The following EYS variants were observed in gnomAD, a reference collection of about 807,000 sequenced individuals.
The protein encoded by EYS is protein eyes shut homolog.
Under a neutral mutation model 282.1 loss-of-function variants are expected in EYS, and 250 were observed. The observed-to-expected ratio is 0.89, with a 90% confidence interval of 0.80 to 0.98. The LOEUF is 0.98. Among genes scored for constraint, EYS ranks in the 50% least tolerant of loss-of-function variants. EYS has a pLI of 0.00. For missense variants in EYS, 4,016 were observed against 3,709.0 expected, an observed-to-expected ratio of 1.08 and a Z score of -2.15; for synonymous variants, 1,355 against 1,282.9, an observed-to-expected ratio of 1.06 and a Z score of -1.20.
At chr6:64,139,971 A>C (rs1562221148) in intron 31 of EYS, among the ~76,000 whole-genome samples, 1 of 49,870 alleles carries the variant, frequency 2.0e-5, no homozygotes, top group Non-Finnish European at 3.8e-5. Context: ...CTGTCTCAAT[A>C]AATAAATAAA....
intron 19 of EYS, among the ~76,000 whole-genome samples, chr6:64,827,120 A>G (rs1765084372): frequency 6.6e-6 from 1 of 151,884 alleles, no homozygotes; most frequent in Admixed American, 6.6e-5. Flanking sequence ...TCTCTAGATG[A>G]TGGTAAATCA....
intron 36 of EYS, among the ~76,000 whole-genome samples, chr6:63,844,447 G>A (rs925169222): frequency 6.6e-6 from 1 of 152,116 alleles, no homozygotes; most frequent in Admixed American, 6.6e-5. Context: ...TTCCACAATG[G>A]TTGAACTAGT....
intron 8 of EYS, among the ~76,000 whole-genome samples, chr6:65,379,416 C>T (rs1354489819): frequency 4.6e-5 from 7 of 151,974 alleles, no homozygotes; most frequent in African/African-American, 1.7e-4. Flanking sequence ...AAATTCAACA[C>T]CGCTTCATGC....
In EYS at chr6:65,204,977, A is replaced by G. The variant is rs1315937; in HGVS notation, c.2023+90886T>C. Among the ~76,000 whole-genome samples, 3 of 103,544 alleles carry G rather than the reference A, an allele frequency of 2.9e-5. 1 individual carries two copies. Among genetic ancestry groups the G allele is most frequent in the African/African-American group, 1.2e-4 (3 of 24,318 alleles). The allele number at this position is 103,544 out of a possible 152,430, so 67.9% of individuals were successfully genotyped here. A position where few individuals can be genotyped will look rare whatever the true frequency, so the allele number is the denominator to read the frequency against. ...CTAGAAGAATATATTTATATATTCT[A>G]GAAGAATATATTTATATATTCTAGA... On this transcript the variant is annotated intron_variant, in intron 12 of 42. Transcript: ENST00000503581.
chr6:65,474,350 T>C (rs1441370996), intron 5 of EYS, among the ~76,000 whole-genome samples: 1 of 152,092 alleles, frequency 6.6e-6, no homozygotes, highest in Non-Finnish European at 1.5e-5. Context: ...TGGTAGACTA[T>C]CAAAAATAGT....
At chr6:65,401,835 C>G (rs189672084) in intron 7 of EYS, among the ~76,000 whole-genome samples, 4 of 151,804 alleles carry the variant, frequency 2.6e-5, no homozygotes, top group African/African-American at 9.7e-5. Context: ...TAATGCCCAA[C>G]AGAATTTACT....
chr6:65,330,061 C>G, intron 11 of EYS: 1 of 984,176 alleles, frequency 1.0e-6, no homozygotes, highest in Non-Finnish European at 1.2e-6. Context: ...TATAATCAAG[C>G]AACTTGTATG....
intron 5 of EYS, among the ~76,000 whole-genome samples, chr6:65,464,040 C>T (rs547991208): frequency 2.6e-5 from 4 of 151,878 alleles, no homozygotes; most frequent in Non-Finnish European, 5.9e-5. Context: ...TACCTATTTT[C>T]TTTTTTCAAA....
chr6:64,231,776 A>C (rs1004577014), intron 30 of EYS, among the ~76,000 whole-genome samples: 1 of 152,196 alleles, frequency 6.6e-6, no homozygotes, highest in Admixed American at 6.5e-5. Flanking sequence ...AATACTTAAG[A>C]AAATTTGTTG....
chr6:65,646,120 T>C (rs940641805), intron 1 of EYS, among the ~76,000 whole-genome samples: 3 of 152,164 alleles, frequency 2.0e-5, no homozygotes, highest in Non-Finnish European at 2.9e-5. Context: ...TTCAAACGAA[T>C]TCTACTGATA....
At chr6:63,886,927 A>G (rs1773275064) in intron 35 of EYS, among the ~76,000 whole-genome samples, 1 of 152,210 alleles carries the variant, frequency 6.6e-6, no homozygotes, top group Admixed American at 6.5e-5. Context: ...CAACTTTAAT[A>G]TTTGACACAA....
At chr6:64,652,760 C>A (rs1336134806) in intron 22 of EYS, among the ~76,000 whole-genome samples, 1 of 151,384 alleles carries the variant, frequency 6.6e-6, no homozygotes, top group Non-Finnish European at 1.5e-5. Flanking sequence ...ACCTCCTCTA[C>A]ATGTAGCGAT....
At chr6:64,670,092 C>T (rs540451946) in intron 22 of EYS, among the ~76,000 whole-genome samples, 17 of 152,076 alleles carry the variant, frequency 1.1e-4, no homozygotes, top group African/African-American at 3.6e-4. Flanking sequence ...AGAGATAATG[C>T]CCTGATCTCC....
intron 27 of EYS, 121 bp downstream of exon 27, chr6:64,439,041 T>C (rs1263332113): frequency 4.5e-6 from 2 of 448,092 alleles, no homozygotes; most frequent in African/African-American, 4.1e-5. Flanking sequence ...GGAAGAGACA[T>C]CCTGGTGGTG....
chr6:63,991,015 C>A (rs1159724503), intron 34 of EYS, among the ~76,000 whole-genome samples: 2 of 151,680 alleles, frequency 1.3e-5, no homozygotes, highest in South Asian at 2.1e-4. Context: ...ACTTGGCATA[C>A]TCTAGAAGTC....
At chr6:64,391,249 C>A (rs1293291437) in intron 28 of EYS, among the ~76,000 whole-genome samples, 1 of 151,504 alleles carries the variant, frequency 6.6e-6, no homozygotes, top group Non-Finnish European at 1.5e-5. Flanking sequence ...AGCAGGCCAA[C>A]ATTCAGATTC....
chr6:64,841,726 A>G (rs959618947), intron 19 of EYS, among the ~76,000 whole-genome samples: 6 of 152,194 alleles, frequency 3.9e-5, no homozygotes, highest in Non-Finnish European at 7.4e-5. Flanking sequence ...TGGCACTATC[A>G]CATTGGTAGT....
At chr6:65,578,992 G>A (rs560373267) in intron 2 of EYS, among the ~76,000 whole-genome samples, 1 of 152,190 alleles carries the variant, frequency 6.6e-6, no homozygotes, top group South Asian at 2.1e-4. Context: ...ATTTTCCAAA[G>A]CTGTGTAAGA....
intron 5 of EYS, among the ~76,000 whole-genome samples, chr6:65,418,461 G>A (rs956377503): frequency 3.9e-5 from 6 of 151,952 alleles, no homozygotes; most frequent in Admixed American, 1.3e-4. Flanking sequence ...GCAAAGACAT[G>A]GAACCAAACC....
Sources: gnomAD v4.1 joint callset for allele counts (sites outside exome capture counted in the v4.1 genomes callset) on GRCh38, gnomAD v4.1.1 for gene constraint, MANE v1.5 for transcripts, NCBI Gene and HGNC (gene_info 2026-07-23, HGNC 2026-07-21) for gene names.